Variants in ABLIM1 observed in about 807,000 individuals in gnomAD.
ABLIM1 encodes the protein actin binding LIM protein 1, also known as actin-binding LIM protein 1.
In ABLIM1, 40 loss-of-function variants were observed where a neutral mutation model predicts 107.0. The observed-to-expected ratio is 0.37, with a 90% CI of 0.29 to 0.49. The LOEUF (loss-of-function observed/expected upper bound fraction) is 0.49, where lower values mean the gene tolerates loss of function less well. ABLIM1 is among the 20% of genes least tolerant of loss of function. The probability of loss-of-function intolerance (pLI) is 0.97; values close to 1 mark genes in which losing one functional copy is unlikely to be tolerated. For missense variants in ABLIM1, 857 were observed against 1,008.5 expected, an observed-to-expected ratio of 0.85 and a Z score of 2.04; for synonymous variants, 357 against 357.3, an observed-to-expected ratio of 1.00 and a Z score of 0.01.
chr10:114,700,331 T>A (rs1261896730), intron 1 of ABLIM1, among the ~76,000 whole-genome samples: 1 of 152,202 alleles, frequency 6.6e-6, no homozygotes, highest in Non-Finnish European at 1.5e-5. Flanking sequence ...CTATGGATTA[T>A]AAGGTTCAAT....
intron 2 of ABLIM1, among the ~76,000 whole-genome samples, chr10:114,583,660 C>T (rs1219175968): frequency 6.6e-6 from 1 of 151,440 alleles, no homozygotes; most frequent in African/African-American, 2.4e-5. Context: ...CCAAAAGACA[C>T]GTGTACTCTT....
In ABLIM1 at chr10:114,463,048, T is replaced by G; in HGVS notation, c.1441+2650A>C. 2.2e-6 allele frequency: 3 copies of G among 1,334,434 alleles called. 1 individual carries two copies. In the South Asian group the frequency reaches 3.6e-5, roughly 16 times the overall value. 82.7% of individuals were successfully genotyped at this position (1,334,434 alleles called of 1,614,324 possible). ...CTGGAGAAACCTGCCTCCTTACCTTTGATATGGGGAATGAAGTGGTGTCGG... is the reference window on the plus strand; with the variant it reads ...CTGGAGAAACCTGCCTCCTTACCTTGGATATGGGGAATGAAGTGGTGTCGG... On this transcript the variant is annotated intron_variant, in intron 12 of 22. Coordinates refer to ENST00000533213, the MANE Select transcript of ABLIM1 (RefSeq NM_002313.7).
chr10:114,455,914 G>A (rs1489941741), intron 12 of ABLIM1, among the ~76,000 whole-genome samples: 1 of 151,016 alleles, frequency 6.6e-6, no homozygotes, highest in African/African-American at 2.4e-5. Flanking sequence ...CTGGGTTCAC[G>A]CCATTCTCCC....
chr10:114,798,959 C>A, the ABLIM1 span, among the ~76,000 whole-genome samples: 334 of 152,110 alleles, frequency 2.2e-3, no homozygotes, highest in Middle Eastern at 0.01. Context: ...CCAAGCCCAG[C>A]TAGTTTTTTT....
intron 1 of ABLIM1, among the ~76,000 whole-genome samples, chr10:114,729,937 C>CA (rs1824970918): frequency 6.6e-6 from 1 of 152,160 alleles, no homozygotes; most frequent in African/African-American, 2.4e-5. Context: ...TCAAATAAGT[C>CA]AACCTAATTC....
chr10:114,625,645 G>C (rs944290283), intron 1 of ABLIM1, among the ~76,000 whole-genome samples: 2 of 151,862 alleles, frequency 1.3e-5, no homozygotes, highest in African/African-American at 2.4e-5. Context: ...TACATAAAAG[G>C]GGGGGGTACA....
intron 1 of ABLIM1, among the ~76,000 whole-genome samples, chr10:114,604,330 T>C (rs901254268): frequency 6.6e-6 from 1 of 152,204 alleles, no homozygotes; most frequent in African/African-American, 2.4e-5. Flanking sequence ...AAAATAATTA[T>C]TTTTATAAGT....
chr10:114,695,613 T>C (rs776667921), intron 1 of ABLIM1, among the ~76,000 whole-genome samples: 1 of 152,222 alleles, frequency 6.6e-6, no homozygotes, highest in Non-Finnish European at 1.5e-5. Context: ...CAATGAATTA[T>C]ACAAAGTCAC....
the ABLIM1 span, among the ~76,000 whole-genome samples, chr10:114,781,939 T>A: frequency 6.6e-6 from 1 of 152,022 alleles, no homozygotes; most frequent in African/African-American, 2.4e-5. Flanking sequence ...GCTCTTGTCT[T>A]TTATCCTATT....
intron 16 of ABLIM1, among the ~76,000 whole-genome samples, 178 bp downstream of exon 16, chr10:114,445,134 C>T (rs2060820987): frequency 6.6e-6 from 1 of 152,220 alleles, no homozygotes; most frequent in South Asian, 2.1e-4. Flanking sequence ...GGTATTCTGC[C>T]ATATTCTAGT....
chr10:114,570,866 A>T (rs912008912), intron 4 of ABLIM1, among the ~76,000 whole-genome samples: 3 of 152,138 alleles, frequency 2.0e-5, no homozygotes, highest in Admixed American at 1.3e-4. Flanking sequence ...TCAGCCTCCC[A>T]AAGTGCTGGG....
intron 6 of ABLIM1, among the ~76,000 whole-genome samples, chr10:114,544,171 GA>G (rs2067031548): frequency 6.6e-6 from 1 of 152,196 alleles, no homozygotes; most frequent in South Asian, 2.1e-4. Context: ...GACAAAGCAA[GA>G]TGACAAGCTG....
intron 1 of ABLIM1, among the ~76,000 whole-genome samples, chr10:114,699,171 T>C (rs1401698857): frequency 6.8e-6 from 1 of 146,838 alleles, no homozygotes; most frequent in Non-Finnish European, 1.5e-5. Flanking sequence ...TAAAAAACCA[T>C]AATCTAAATA....
intron 1 of ABLIM1, among the ~76,000 whole-genome samples, chr10:114,683,755 C>T (rs11196873): frequency 0.12 from 18,471 of 152,198 alleles, 1,622 homozygotes; most frequent in East Asian, 0.41. Flanking sequence ...TGTGAGACTG[C>T]GTGGGGCCAC....
intron 4 of ABLIM1, among the ~76,000 whole-genome samples, chr10:114,554,524 C>G (rs759804417): frequency 1.3e-5 from 2 of 152,086 alleles, no homozygotes; most frequent in Non-Finnish European, 2.9e-5. Flanking sequence ...TAGTGAGACC[C>G]CCGTCTCTAC....
At chr10:114,670,025 A>C (rs1184529725) in intron 1 of ABLIM1, among the ~76,000 whole-genome samples, 1 of 152,212 alleles carries the variant, frequency 6.6e-6, no homozygotes, top group Non-Finnish European at 1.5e-5. Flanking sequence ...AAATGGTTTC[A>C]AATCACCATG....
intron 1 of ABLIM1, among the ~76,000 whole-genome samples, chr10:114,656,910 C>T (rs927365692): frequency 3.9e-5 from 6 of 152,086 alleles, no homozygotes; most frequent in Non-Finnish European, 8.8e-5. Flanking sequence ...TTTCTTAAGG[C>T]TGAGAGATGG....
At chr10:114,510,971 G>T (rs1229240174) in intron 6 of ABLIM1, among the ~76,000 whole-genome samples, 1 of 151,938 alleles carries the variant, frequency 6.6e-6, no homozygotes, top group Non-Finnish European at 1.5e-5. Flanking sequence ...TTCAGTCTTA[G>T]CTGAGTGTGT....
intron 2 of ABLIM1, among the ~76,000 whole-genome samples, chr10:114,586,580 C>T (rs548926743): frequency 3.3e-5 from 5 of 152,278 alleles, no homozygotes; most frequent in Admixed American, 2.6e-4. Flanking sequence ...AATGGGAAAG[C>T]ATTTGTTTTA....
Sources: allele counts gnomAD v4.1 joint callset (sites outside exome capture counted in the v4.1 genomes callset), GRCh38; gene constraint gnomAD v4.1.1; transcripts MANE v1.5; gene names NCBI Gene and HGNC (gene_info 2026-07-23, HGNC 2026-07-21).